The following SGCZ variants were observed in gnomAD, a reference collection of about 807,000 sequenced individuals.
SGCZ encodes sarcoglycan zeta.
In SGCZ, 40 loss-of-function variants were observed where a neutral mutation model predicts 41.3. That is an observed-to-expected ratio of 0.97 (90% CI 0.75 to 1.26). The LOEUF (loss-of-function observed/expected upper bound fraction) is 1.26, where lower values mean the gene tolerates loss of function less well. Among genes scored for constraint, SGCZ ranks in the 50% most tolerant of loss-of-function variants. The pLI, the probability that SGCZ is intolerant of heterozygous loss-of-function variation, is 0.00. For synonymous variants in SGCZ, 206 were observed against 137.5 expected, an observed-to-expected ratio of 1.50 and a Z score of -3.49; for missense variants, 552 against 369.8, an observed-to-expected ratio of 1.49 and a Z score of -4.04.
chr8:14,182,089 G>A (rs757954026), intron 4 of SGCZ, among the ~76,000 whole-genome samples: 45 of 152,098 alleles, frequency 3.0e-4, no homozygotes, highest in African/African-American at 1.0e-3. Flanking sequence ...TGGCCTGTAC[G>A]CATAAGCCAT....
intron 4 of SGCZ, among the ~76,000 whole-genome samples, chr8:14,189,782 G>C (rs1044089864): frequency 2.6e-5 from 4 of 151,814 alleles, no homozygotes; most frequent in African/African-American, 9.7e-5. Context: ...TGTTTGCTTG[G>C]CTATTTTTGA....
At position 14,900,762 on chromosome 8, in the gene SGCZ, C is replaced by T. The variant is rs115931866; in HGVS notation, c.39+336823G>A. ...TGAAGTCAGATAAAGATGCAAATTG[C>T]ATGAATATCTTTGACTATTATCTAC... On this transcript the variant is annotated intron_variant, in intron 1 of 7. Transcript: ENST00000382080. Among the ~76,000 whole-genome samples the T allele has an allele frequency of 1.9e-3, 291 of 152,280 alleles. 1 individual carries two copies. The highest frequency in any genetic ancestry group is 6.7e-3 in the African/African-American group (277 of 41,556).
chr8:14,151,996 G>A (rs570752688), intron 5 of SGCZ, among the ~76,000 whole-genome samples: 11 of 151,990 alleles, frequency 7.2e-5, no homozygotes, highest in Non-Finnish European at 1.3e-4. Flanking sequence ...AGGGAAAAAT[G>A]TAGAAAATAT....
chr8:14,609,278 T>C (rs1244262594), intron 1 of SGCZ, among the ~76,000 whole-genome samples: 3 of 152,164 alleles, frequency 2.0e-5, no homozygotes, highest in Non-Finnish European at 4.4e-5. Context: ...AATTCTTTGA[T>C]TCGTTATTAT....
At chr8:14,243,462 T>C (rs1439759357) in intron 3 of SGCZ, among the ~76,000 whole-genome samples, 1 of 152,182 alleles carries the variant, frequency 6.6e-6, no homozygotes, top group Non-Finnish European at 1.5e-5. Flanking sequence ...AAAAATACTT[T>C]TAAAACATAT....
chr8:14,747,125 G>C (rs1448273327), intron 1 of SGCZ, among the ~76,000 whole-genome samples: 1 of 152,106 alleles, frequency 6.6e-6, no homozygotes, highest in African/African-American at 2.4e-5. Flanking sequence ...TTACGGTTAG[G>C]ATTATTTTCT....
intron 5 of SGCZ, among the ~76,000 whole-genome samples, chr8:14,158,531 G>A (rs948444594): frequency 6.6e-5 from 10 of 151,964 alleles, no homozygotes; most frequent in African/African-American, 2.4e-4. Context: ...ACACAGCCAG[G>A]AACAATACCT....
chr8:15,232,078 A>G (rs777422025), intron 1 of SGCZ, among the ~76,000 whole-genome samples: 1 of 152,228 alleles, frequency 6.6e-6, no homozygotes, highest in Non-Finnish European at 1.5e-5. Context: ...ACAGTTACCA[A>G]TTTAAATGCA....
intron 2 of SGCZ, among the ~76,000 whole-genome samples, chr8:14,386,366 GT>G (rs1329287549): frequency 6.6e-6 from 1 of 150,806 alleles, no homozygotes; most frequent in Non-Finnish European, 1.5e-5. Flanking sequence ...CATAAAACTG[GT>G]TGTGGTCCAC....
chr8:15,198,138 A>G (rs917507965), intron 1 of SGCZ, among the ~76,000 whole-genome samples: 7 of 151,088 alleles, frequency 4.6e-5, no homozygotes, highest in Non-Finnish European at 8.9e-5. Context: ...AGAGAAACAG[A>G]GACTATATAT....
intron 1 of SGCZ, among the ~76,000 whole-genome samples, chr8:15,037,036 T>A (rs760418396): frequency 6.6e-6 from 1 of 152,142 alleles, no homozygotes; most frequent in Non-Finnish European, 1.5e-5. Context: ...TTGACAAAAC[T>A]GGACATCATT....
rs542127996 is a variant in SGCZ at position 14,672,902 on chromosome 8, A to G, written c.40-117976T>C. Among the ~76,000 whole-genome samples the G allele has an allele frequency of 3.3e-5, 5 of 152,164 alleles. No individual in the cohort carries two copies. In the East Asian group the frequency reaches 9.7e-4, roughly 29 times the overall value. On this transcript the variant is annotated intron_variant, in intron 1 of 7. Coordinates refer to ENST00000382080, the MANE Select transcript of SGCZ (RefSeq NM_139167.4). ...AAATATTTTAGCCTTTCTGGGTCAC[A>G]TGGTCTATGCTGCAACTACTCATCT...
At chr8:14,445,589 A>G (rs765154688) in intron 2 of SGCZ, among the ~76,000 whole-genome samples, 1 of 152,064 alleles carries the variant, frequency 6.6e-6, no homozygotes, top group Admixed American at 6.6e-5. Context: ...CCACCACTCA[A>G]CAAAATTCTC....
At chr8:15,037,066 T>C (rs1212008399) in intron 1 of SGCZ, among the ~76,000 whole-genome samples, 3 of 152,294 alleles carry the variant, frequency 2.0e-5, no homozygotes, top group East Asian at 3.9e-4. Flanking sequence ...AAACTCTTGA[T>C]TAATTTGGCA....
intron 1 of SGCZ, among the ~76,000 whole-genome samples, chr8:14,999,977 T>A (rs1218978873): frequency 6.6e-6 from 1 of 152,168 alleles, no homozygotes; most frequent in African/African-American, 2.4e-5. Flanking sequence ...ATGCTCACAC[T>A]CTCAGGACTA....
rs541741072 is a variant in SGCZ, at chr8:14,146,576, C to T, written c.547+18004G>A. Reference sequence around the variant, plus strand: ...CACTGTAACAGTGGTGTGTTAACTACTCTTATCCTAAATAGACTAAATTAT... The same window carrying T: ...CACTGTAACAGTGGTGTGTTAACTATTCTTATCCTAAATAGACTAAATTAT... On this transcript the variant is annotated intron_variant, in intron 5 of 7. Transcript: ENST00000382080. 5.3e-5 allele frequency among the ~76,000 whole-genome samples: 8 copies of T among 152,230 alleles called. No homozygotes were observed. The South Asian group carries it at 1.7e-3, about 32-fold the overall frequency.
chr8:14,771,433 C>T (rs960408032), intron 1 of SGCZ, among the ~76,000 whole-genome samples: 1 of 152,070 alleles, frequency 6.6e-6, no homozygotes, highest in Non-Finnish European at 1.5e-5. Context: ...CTTAACTGTA[C>T]TTTCAATTAC....
intron 3 of SGCZ, among the ~76,000 whole-genome samples, chr8:14,313,560 G>T (rs1801615141): frequency 6.6e-6 from 1 of 152,194 alleles, no homozygotes; most frequent in African/African-American, 2.4e-5. Context: ...AAAATGATCT[G>T]CCTGACCTCA....
chr8:14,635,589 G>A (rs1806801527), intron 1 of SGCZ, among the ~76,000 whole-genome samples: 2 of 151,742 alleles, frequency 1.3e-5, no homozygotes, highest in South Asian at 4.1e-4. Context: ...GTGCTGCTCT[G>A]AGTAGCAGGT....
Sources: gnomAD v4.1 joint callset for allele counts (sites outside exome capture counted in the v4.1 genomes callset) on GRCh38, gnomAD v4.1.1 for gene constraint, MANE v1.5 for transcripts, NCBI Gene and HGNC (gene_info 2026-07-23, HGNC 2026-07-21) for gene names.